CDH9: variants seen among roughly 807,000 people sequenced by gnomAD.
The protein encoded by CDH9 is cadherin-9.
Under a neutral mutation model 70.9 loss-of-function variants are expected in CDH9, and 28 were observed. The ratio of observed to expected loss-of-function variants is 0.40; its 90% confidence interval spans 0.29 to 0.54. The LOEUF is 0.54. Ranked by LOEUF, CDH9 falls within the 20% of genes least tolerant of loss-of-function variation. CDH9 has a pLI of 0.59. For synonymous variants in CDH9, 409 were observed against 343.1 expected (o/e 1.19, Z -2.12); for missense variants, 874 against 984.4 (o/e 0.89, Z 1.50).
chr5:26,908,675 G>A (rs796866138), intron 3 of CDH9, among the ~76,000 whole-genome samples: 14 of 152,134 alleles, frequency 9.2e-5, no homozygotes, highest in Admixed American at 3.9e-4. Flanking sequence ...TTGAAGTTAC[G>A]CAAGGACGCT....
chr5:26,946,602 A>G (rs550659466), intron 2 of CDH9, among the ~76,000 whole-genome samples: 1 of 152,306 alleles, frequency 6.6e-6, no homozygotes, highest in African/African-American at 2.4e-5. Context: ...AAGCTTTATA[A>G]ATAGGTTAAG....
chr5:27,002,491 T>C (rs1742788181), intron 1 of CDH9, among the ~76,000 whole-genome samples: 1 of 152,170 alleles, frequency 6.6e-6, no homozygotes. Flanking sequence ...TGTGGCACTA[T>C]TCACAATAGC....
intron 1 of CDH9, among the ~76,000 whole-genome samples, chr5:27,022,054 T>C (rs1743146745): frequency 6.6e-6 from 1 of 152,004 alleles, no homozygotes; most frequent in Non-Finnish European, 1.5e-5. Context: ...ATCTTACACC[T>C]TCATGCTTTT....
chr5:26,921,847 G>A (rs969449307), intron 2 of CDH9, among the ~76,000 whole-genome samples: 6 of 152,034 alleles, frequency 3.9e-5, no homozygotes, highest in African/African-American at 1.4e-4. Flanking sequence ...AAGGAATTCA[G>A]AATTCTATCA....
At chr5:26,929,862 G>A (rs1432165351) in intron 2 of CDH9, among the ~76,000 whole-genome samples, 1 of 151,970 alleles carries the variant, frequency 6.6e-6, no homozygotes, top group East Asian at 1.9e-4. Context: ...GTATCGAATG[G>A]GGAGGAAGGG....
At chr5:26,939,968 G>GCC (rs1741631763) in intron 2 of CDH9, among the ~76,000 whole-genome samples, 1 of 151,940 alleles carries the variant, frequency 6.6e-6, no homozygotes, top group Non-Finnish European at 1.5e-5. Context: ...TGGCCAAATG[G>GCC]AGAAACCCTA....
intron 3 of CDH9, among the ~76,000 whole-genome samples, chr5:26,911,649 T>G (rs1741055476): frequency 7.0e-6 from 1 of 143,638 alleles, no homozygotes. Flanking sequence ...TAGAAAATAT[T>G]TTATCAATAG....
intron 2 of CDH9, among the ~76,000 whole-genome samples, chr5:26,951,122 T>C (rs1254712530): frequency 6.6e-6 from 1 of 151,508 alleles, no homozygotes; most frequent in Admixed American, 6.6e-5. Context: ...TGAAACCCTG[T>C]CTCTACTAAA....
In CDH9 at chr5:27,035,171, G is replaced by GTATATATA. The variant is rs35693444; in HGVS notation, c.-50+3284_-50+3291dup. On this transcript the variant is annotated intron_variant, in intron 1 of 11. Transcript: ENST00000231021. ...TAAGTTTCCACATAATATTGCATATGTATATATATATATATATATATTTAA... is the reference window on the plus strand; with the variant it reads ...TAAGTTTCCACATAATATTGCATATGTATATATATATATATATATATATATATATTTAA... Among the ~76,000 whole-genome samples, 222 of 143,264 alleles carry GTATATATA rather than the reference G, an allele frequency of 1.5e-3. 2 individuals carry two copies. Among genetic ancestry groups the GTATATATA allele is most frequent in the African/African-American group, 4.7e-3 (184 of 39,460 alleles). 94.0% of individuals were successfully genotyped at this position (143,264 alleles called of 152,430 possible). A position where few individuals can be genotyped will look rare whatever the true frequency, so the allele number is the denominator to read the frequency against.
intron 1 of CDH9, among the ~76,000 whole-genome samples, chr5:27,037,532 C>T (rs1423786850): frequency 6.6e-6 from 1 of 151,890 alleles, no homozygotes; most frequent in Non-Finnish European, 1.5e-5. Flanking sequence ...CTCTAACTGT[C>T]AATACTAAAG....
intron 2 of CDH9, among the ~76,000 whole-genome samples, chr5:26,923,069 T>TAAAAAAAAAAAAAAAAAA (rs56883597): frequency 4.2e-4 from 40 of 95,000 alleles, no homozygotes; most frequent in African/African-American, 4.7e-4. Flanking sequence ...TTACATGAAT[T>TAAAAAAAAAAAAAAAAAA]AAAAAAAAAA....
chr5:26,902,669 G>A lies in CDH9; in HGVS notation c.1060C>T (p.Pro354Ser), dbSNP rs775630425. ...TLRVDASNTH[P>S]DPRFLHLGPF... is the part of the protein sequence containing the mutation. ...CCCAGGTGTAAGAATCGTGGATCAG[G>A]GTGAGTGTTACTTGCATCCACTCTT... Residue 354 changes from proline (P) to serine (S), a missense_variant, in exon 7 of 12, where the codon CCT becomes TCT. Physicochemically the swap from Pro to Ser is moderately conservative, Grantham distance 74. Coordinates refer to ENST00000231021, the MANE Select transcript of CDH9 (RefSeq NM_016279.4). The A allele has an allele frequency of 1.9e-6, 3 of 1,581,620 alleles. No individual in the cohort carries two copies. The highest frequency in any genetic ancestry group is 2.6e-6 in the Non-Finnish European group (3 of 1,150,886).
intron 1 of CDH9, among the ~76,000 whole-genome samples, chr5:27,007,109 T>C (rs1742877693): frequency 6.6e-6 from 1 of 152,186 alleles, no homozygotes; most frequent in Non-Finnish European, 1.5e-5. Flanking sequence ...AGCTTCCAGC[T>C]TCAGAAATGA....
intron 2 of CDH9, among the ~76,000 whole-genome samples, chr5:26,968,487 T>C (rs935267496): frequency 6.6e-6 from 1 of 152,118 alleles, no homozygotes; most frequent in African/African-American, 2.4e-5. Context: ...TGTTTCATCA[T>C]GTTGGCCAGG....
chr5:26,885,494 TA>T, intron 11 of CDH9, 119 bp downstream of exon 11: 3 of 883,812 alleles, frequency 3.4e-6, no homozygotes, highest in Non-Finnish European at 5.1e-6. Context: ...AGAATTTTAA[TA>T]AAAAGTGAAA....
chr5:26,916,755 A>G (rs1266401870), intron 2 of CDH9, among the ~76,000 whole-genome samples: 1 of 148,594 alleles, frequency 6.7e-6, no homozygotes, highest in Non-Finnish European at 1.5e-5. Context: ...AGAGAGACTA[A>G]TCAGAGAGAG....
At chr5:27,022,659 CA>C (rs1158212784) in intron 1 of CDH9, among the ~76,000 whole-genome samples, 1 of 152,058 alleles carries the variant, frequency 6.6e-6, no homozygotes, top group African/African-American at 2.4e-5. Flanking sequence ...ACAGTTTAAG[CA>C]GAGTGTTCTG....
At chr5:26,983,212 A>T (rs537106086) in intron 2 of CDH9, among the ~76,000 whole-genome samples, 1 of 152,282 alleles carries the variant, frequency 6.6e-6, no homozygotes, top group African/African-American at 2.4e-5. Context: ...TGGAAGAAGA[A>T]ATATCATGTT....
chr5:26,959,757 C>T (rs1742002885), intron 2 of CDH9, among the ~76,000 whole-genome samples: 1 of 151,934 alleles, frequency 6.6e-6, no homozygotes, highest in Non-Finnish European at 1.5e-5. Flanking sequence ...AGCAAAAGGT[C>T]ACCTAATGTA....
Sources: allele counts gnomAD v4.1 joint callset (sites outside exome capture counted in the v4.1 genomes callset), GRCh38; gene constraint gnomAD v4.1.1; transcripts MANE v1.5; gene names NCBI Gene and HGNC (gene_info 2026-07-23, HGNC 2026-07-21).